Variants in SLC48A1 observed in about 807,000 individuals in gnomAD.
SLC48A1 encodes the protein heme transporter HRG1.
Under a neutral mutation model 14.8 loss-of-function variants are expected in SLC48A1, and 6 were observed. The observed-to-expected ratio is 0.41, with a 90% CI of 0.22 to 0.80. The LOEUF (loss-of-function observed/expected upper bound fraction) is 0.80, where lower values mean the gene tolerates loss of function less well. Among genes scored for constraint, SLC48A1 ranks in the 30% least tolerant of loss-of-function variants. The pLI, the probability that SLC48A1 is intolerant of heterozygous loss-of-function variation, is 0.34. For missense variants in SLC48A1, 165 were observed against 204.8 expected (o/e 0.81, Z 1.19); for synonymous variants, 89 against 90.0 (o/e 0.99, Z 0.06).
At chr12:47,770,979 A>G, upstream of SLC48A1, 1 of 454,978 alleles carries the variant, frequency 2.2e-6, no homozygotes, top group South Asian at 1.5e-5. Context: ...ACTCCGGACC[A>G]CGGGGCTTGC....
At chr12:47,758,215 A>G, upstream of SLC48A1, 9 of 1,437,434 alleles carry the variant, frequency 6.3e-6, no homozygotes, top group Non-Finnish European at 8.2e-6. Flanking sequence ...CCCTGCCAGG[A>G]GCTGGGGGGA....
At chr12:47,779,787 T>C (rs7960277) in intron 2 of SLC48A1, among the ~76,000 whole-genome samples, 119,691 of 152,148 alleles carry the variant, frequency 0.79, 47,310 homozygotes, top group East Asian at 0.92. Context: ...GCCTGAGCTC[T>C]GCCTCCTGTC....
At chr12:47,759,585 G>C (rs1253695057) in intron 1 of SLC48A1, among the ~76,000 whole-genome samples, 1 of 138,914 alleles carries the variant, frequency 7.2e-6, no homozygotes, top group Non-Finnish European at 1.6e-5. Flanking sequence ...CCTGGTGGCC[G>C]GGTAGGTTGA....
upstream of SLC48A1, chr12:47,756,306 T>C (rs1044202049): frequency 1.3e-5 from 2 of 152,194 alleles, no homozygotes; most frequent in Non-Finnish European, 2.9e-5. Flanking sequence ...CCTACCTTGC[T>C]TCCACAAGCT....
intron 2 of SLC48A1, among the ~76,000 whole-genome samples, chr12:47,779,932 A>G (rs1942830942): frequency 6.6e-6 from 1 of 152,220 alleles, no homozygotes; most frequent in Non-Finnish European, 1.5e-5. Context: ...GTTTTTGTGG[A>G]AAAATTGTCT....
At position 47,777,313 on chromosome 12, in the gene SLC48A1, C is replaced by A. The variant is rs1245356487; in HGVS notation, c.137-1715C>A. On this transcript the variant is annotated intron_variant, in intron 1 of 2. Transcript: ENST00000442218. This position sits in a 1 kb window ranked among gnomAD's most constrained non-coding sequence, Gnocchi z 4.5. ...GGGGGACCCACATTCCAGGCCCCCA[C>A]CCCCTGAGGAAGAGTGGAGGTGGGC... Among the ~76,000 whole-genome samples, 1 of 152,146 alleles carries A rather than the reference C, an allele frequency of 6.6e-6. No homozygotes were observed. Among genetic ancestry groups the A allele is most frequent in the African/African-American group, 2.4e-5 (1 of 41,436 alleles).
chr12:47,763,641 G>C (rs1390451875), intron 2 of SLC48A1, among the ~76,000 whole-genome samples: 2 of 152,198 alleles, frequency 1.3e-5, no homozygotes, highest in East Asian at 3.9e-4. Context: ...GCCCATTCCT[G>C]GGGTGGGGGG....
At chr12:47,764,575 G>A (rs1942469554) in intron 2 of SLC48A1, among the ~76,000 whole-genome samples, 1 of 152,198 alleles carries the variant, frequency 6.6e-6, no homozygotes. Flanking sequence ...GGTCAGTCAG[G>A]CTGGATCCAG....
chr12:47,763,449 C>G (rs1027707116), intron 2 of SLC48A1, among the ~76,000 whole-genome samples: 3 of 152,144 alleles, frequency 2.0e-5, no homozygotes, highest in African/African-American at 7.2e-5. Context: ...GAGCCTCCCA[C>G]AATACCCCTA....
intron 1 of SLC48A1, among the ~76,000 whole-genome samples, chr12:47,775,007 A>AG (rs1942712033): frequency 6.6e-6 from 1 of 152,196 alleles, no homozygotes; most frequent in African/African-American, 2.4e-5. Flanking sequence ...ATGAGCAGGG[A>AG]GGGCCAGCCT....
upstream of SLC48A1, among the ~76,000 whole-genome samples, chr12:47,756,997 G>A (rs1224908844): frequency 4.0e-5 from 6 of 151,672 alleles, no homozygotes; most frequent in Non-Finnish European, 8.8e-5. Flanking sequence ...AAAGAAAAAA[G>A]AAATGAACTC....
rs1472692169 is a variant in SLC48A1, at chr12:47,780,354, G to A, written c.*73G>A. 1 of 1,608,810 alleles carries A rather than the reference G, an allele frequency of 6.2e-7. No individual in the cohort carries two copies. The highest frequency in any genetic ancestry group is 8.5e-7 in the Non-Finnish European group (1 of 1,175,504). ...CTCAGCCTCTGAGATGTTGGGAGAGGCTACTCCCACCCCCTGGTGACCCCA... is the reference window on the plus strand; with the variant it reads ...CTCAGCCTCTGAGATGTTGGGAGAGACTACTCCCACCCCCTGGTGACCCCA... On this transcript the variant is annotated 3_prime_UTR_variant, in exon 3 of 3. Coordinates refer to ENST00000442218, the MANE Select transcript of SLC48A1 (RefSeq NM_017842.3).
chr12:47,770,568 A>G (rs1425137781), upstream of SLC48A1, among the ~76,000 whole-genome samples: 2 of 152,240 alleles, frequency 1.3e-5, no homozygotes, highest in African/African-American at 4.8e-5. Flanking sequence ...ACTTTGAAGT[A>G]GGTGTTACTG....
At chr12:47,758,446 C>T, upstream of SLC48A1, 1 of 1,582,338 alleles carries the variant, frequency 6.3e-7, no homozygotes, top group Middle Eastern at 1.7e-4. Flanking sequence ...TCCTCTCCTC[C>T]TCAGCCCTGA....
At chr12:47,773,502 T>G (rs1319397908) in intron 1 of SLC48A1, 62 bp downstream of exon 1, 3 of 1,272,784 alleles carry the variant, frequency 2.4e-6, no homozygotes, top group Non-Finnish European at 3.0e-6. Context: ...CGCCGTCAGC[T>G]GCTCCAGGAC....
At chr12:47,779,238 A>C in intron 2 of SLC48A1, 43 bp downstream of exon 2, 1 of 1,525,368 alleles carries the variant, frequency 6.6e-7, no homozygotes, top group Non-Finnish European at 8.8e-7. Context: ...GAGGGACAGC[A>C]GCGGGGATTT....
upstream of SLC48A1, chr12:47,758,244 C>G (rs1942217856): frequency 3.5e-6 from 5 of 1,433,702 alleles, no homozygotes; most frequent in Non-Finnish European, 2.7e-6. Context: ...AAGACCTTCA[C>G]TGGGGCCTGC....
chr12:47,761,078 T>G (rs953868620), intron 2 of SLC48A1, among the ~76,000 whole-genome samples: 1 of 151,822 alleles, frequency 6.6e-6, no homozygotes, highest in East Asian at 1.9e-4. Flanking sequence ...GCGCCTGGAA[T>G]CCCAGCTACT....
rs997565267 is a variant in SLC48A1 at position 47,773,301 on chromosome 12, C to T, written c.-4C>T. ...GCCCTCGGCCCGCCCGGCGCCGCAG[C>T]CCCATGGCCCCGTCCAGGCTGCAGC... is the stretch of plus-strand genomic sequence containing the variant. On this transcript the variant is annotated 5_prime_UTR_variant, in exon 1 of 3. Transcript: ENST00000442218. The T allele has an allele frequency of 9.0e-6, 13 of 1,440,796 alleles. No individual in the cohort carries two copies. The highest frequency in any genetic ancestry group is 1.1e-5 in the Non-Finnish European group (12 of 1,094,064). 89.3% of individuals were successfully genotyped at this position (1,440,796 alleles called of 1,614,324 possible). A position where few individuals can be genotyped will look rare whatever the true frequency, so the allele number is the denominator to read the frequency against.
Sources: gnomAD v4.1 joint callset for allele counts (sites outside exome capture counted in the v4.1 genomes callset) on GRCh38, gnomAD v4.1.1 for gene constraint, Gnocchi (gnomAD v3.1) non-coding constraint, MANE v1.5 for transcripts, NCBI Gene and HGNC (gene_info 2026-07-23, HGNC 2026-07-21) for gene names.